Variants in EBF1 observed in about 807,000 individuals in gnomAD.
EBF1 encodes the protein transcription factor COE1.
EBF1 carries 10 observed loss-of-function variants against 68.4 expected under a neutral mutation model. The observed-to-expected ratio is 0.15, with a 90% confidence interval of 0.09 to 0.25. The LOEUF is 0.25. EBF1 is among the 10% of genes least tolerant of loss of function. EBF1 has a pLI of 1.00. For synonymous variants in EBF1, 298 were observed against 299.8 expected (o/e 0.99, Z 0.06); for missense variants, 509 against 794.4 (o/e 0.64, Z 4.32).
rs1214182771 is a variant in EBF1 at position 158,974,412 on chromosome 5, G to T, written c.554+98984C>A. ...AGGCATTGCAAAAATCCTCAACTCT[G>T]AACTGTCTCACTTGGATGATCTGTC... On this transcript the variant is annotated intron_variant, in intron 6 of 15. Coordinates refer to ENST00000313708, the MANE Select transcript of EBF1 (RefSeq NM_024007.5). Among the ~76,000 whole-genome samples the T allele has an allele frequency of 3.3e-4, 50 of 152,124 alleles. 1 individual carries two copies. Among genetic ancestry groups the T allele is most frequent in the Non-Finnish European group, 2.9e-5 (2 of 68,022 alleles).
At chr5:158,824,853 C>A (rs539598715) in intron 7 of EBF1, among the ~76,000 whole-genome samples, 1 of 152,218 alleles carries the variant, frequency 6.6e-6, no homozygotes, top group African/African-American at 2.4e-5. Flanking sequence ...TGGCAAAATA[C>A]GATGAATTTC....
intron 6 of EBF1, among the ~76,000 whole-genome samples, chr5:158,931,302 A>G (rs964457829): frequency 1.3e-5 from 2 of 152,168 alleles, no homozygotes; most frequent in East Asian, 3.8e-4. Context: ...TTTACTGACT[A>G]CCCAGCCACA....
At chr5:158,823,416 T>A (rs1582236153) in intron 7 of EBF1, 99 bp from the exon 8 acceptor site, 1 of 1,162,692 alleles carries the variant, frequency 8.6e-7, no homozygotes, top group South Asian at 1.6e-5. Flanking sequence ...CTGAAGAAAA[T>A]TGCATAGCTA....
At chr5:159,018,381 A>G (rs1766018110) in intron 6 of EBF1, among the ~76,000 whole-genome samples, 1 of 152,264 alleles carries the variant, frequency 6.6e-6, no homozygotes, top group Non-Finnish European at 1.5e-5. Flanking sequence ...GAAACTACAC[A>G]TAGAGTGCAG....
Position 159,024,328 on chromosome 5 carries a change from T to C in EBF1, c.554+49068A>G, listed in dbSNP as rs534184137. 2.6e-5 allele frequency among the ~76,000 whole-genome samples: 4 copies of C among 152,348 alleles called. No individual in the cohort carries two copies. The South Asian group carries it at 8.3e-4, about 32-fold the overall frequency. On this transcript the variant is annotated intron_variant, in intron 6 of 15. Transcript: ENST00000313708. ...TTGACAAGCTAGGACTATAAAGTGA[T>C]AGGCTGATGCTTAGTCAACACATCT...
At chr5:158,824,634 T>C (rs1239518754) in intron 7 of EBF1, among the ~76,000 whole-genome samples, 4 of 152,226 alleles carry the variant, frequency 2.6e-5, no homozygotes, top group African/African-American at 9.6e-5. Context: ...GAGGCCTCAG[T>C]TTCTGAGGAA....
intron 6 of EBF1, among the ~76,000 whole-genome samples, chr5:159,061,137 T>TATC (rs1390192155): frequency 1.3e-5 from 2 of 152,220 alleles, no homozygotes; most frequent in Non-Finnish European, 2.9e-5. Context: ...TTATTATTAT[T>TATC]ATCATATCTG....
intron 6 of EBF1, among the ~76,000 whole-genome samples, chr5:158,909,111 G>A (rs1292538302): frequency 7.7e-6 from 1 of 129,866 alleles, no homozygotes; most frequent in Non-Finnish European, 1.8e-5. Flanking sequence ...GAAACTCATG[G>A]GCAGCAGAAA....
At chr5:158,888,697 T>C (rs13166080) in intron 6 of EBF1, among the ~76,000 whole-genome samples, 2 of 151,732 alleles carry the variant, frequency 1.3e-5, no homozygotes, top group Non-Finnish European at 2.9e-5. Flanking sequence ...ACCAAAAAGG[T>C]TTAATTTGTG....
intron 6 of EBF1, among the ~76,000 whole-genome samples, chr5:159,070,129 A>G (rs1217173386): frequency 2.6e-5 from 4 of 152,196 alleles, no homozygotes; most frequent in African/African-American, 9.6e-5. Flanking sequence ...GCTATTAAAC[A>G]TAACACATTT....
intron 6 of EBF1, among the ~76,000 whole-genome samples, chr5:158,938,237 C>T (rs374748204): frequency 6.6e-6 from 1 of 152,150 alleles, no homozygotes; most frequent in Non-Finnish European, 1.5e-5. Flanking sequence ...TAATCAATCA[C>T]CTCCTTTTTG....
intron 15 of EBF1, among the ~76,000 whole-genome samples, chr5:158,705,873 C>A (rs1757753417): frequency 6.6e-6 from 1 of 152,216 alleles, no homozygotes; most frequent in African/African-American, 2.4e-5. Context: ...TCCAGTGCTT[C>A]CCGTCAACTG....
At chr5:158,700,021 A>G (rs1395557821) in intron 15 of EBF1, among the ~76,000 whole-genome samples, 1 of 152,240 alleles carries the variant, frequency 6.6e-6, no homozygotes, top group Non-Finnish European at 1.5e-5. Flanking sequence ...GAATCACAGC[A>G]ACACTTAGGG....
chr5:158,853,867 A>T (rs1793461626), intron 6 of EBF1, among the ~76,000 whole-genome samples: 1 of 152,202 alleles, frequency 6.6e-6, no homozygotes, highest in Non-Finnish European at 1.5e-5. Flanking sequence ...AGAGTCTCAA[A>T]TGCAGACCCT....
At chr5:158,777,313 G>A in intron 10 of EBF1, 100 bp downstream of exon 10, 2 of 1,289,910 alleles carry the variant, frequency 1.6e-6, no homozygotes, top group Non-Finnish European at 1.0e-6. Flanking sequence ...GCTTTAACTA[G>A]ATTTTAAAAT....
At chr5:159,067,613 T>C (rs1212854602) in intron 6 of EBF1, among the ~76,000 whole-genome samples, 1 of 152,234 alleles carries the variant, frequency 6.6e-6, no homozygotes, top group African/African-American at 2.4e-5. Context: ...ATTAGCTTAT[T>C]GTATTAGTTA....
chr5:158,811,989 T>C (rs1215438003), intron 8 of EBF1, among the ~76,000 whole-genome samples: 2 of 152,092 alleles, frequency 1.3e-5, no homozygotes, highest in Non-Finnish European at 2.9e-5. Context: ...CTCTTAGGAG[T>C]CTGTATTTGT....
intron 6 of EBF1, among the ~76,000 whole-genome samples, chr5:158,984,437 A>G (rs1296253914): frequency 2.6e-5 from 4 of 152,194 alleles, no homozygotes; most frequent in Non-Finnish European, 5.9e-5. Context: ...AAGGGAAATA[A>G]AACTGTACCA....
intron 7 of EBF1, among the ~76,000 whole-genome samples, chr5:158,829,360 T>G (rs1431425243): frequency 6.6e-6 from 1 of 151,740 alleles, no homozygotes; most frequent in Non-Finnish European, 1.5e-5. Flanking sequence ...TTTTTGTATT[T>G]TTTTTGTGAA....
Sources: allele counts gnomAD v4.1 joint callset (sites outside exome capture counted in the v4.1 genomes callset), GRCh38; gene constraint gnomAD v4.1.1; transcripts MANE v1.5; gene names NCBI Gene and HGNC (gene_info 2026-07-23, HGNC 2026-07-21).